Variants in BLTP3B observed in about 807,000 individuals in gnomAD.
BLTP3B encodes UHRF1 (ICBP90) binding protein 1-like.
the BLTP3B span, among the ~76,000 whole-genome samples, chr12:100,116,382 A>C: frequency 1.4e-5 from 2 of 141,222 alleles, no homozygotes; most frequent in African/African-American, 5.3e-5. Context: ...TGAGCCCAGG[A>C]GGTGGAGTTG....
chr12:100,138,943 C>T, the BLTP3B span, among the ~76,000 whole-genome samples: 241 of 152,256 alleles, frequency 1.6e-3, 3 homozygotes, highest in Non-Finnish European at 2.3e-3. Context: ...ACATTTGTTA[C>T]GACTTCTCTT....
the BLTP3B span, chr12:100,108,253 T>G: frequency 2.0e-6 from 2 of 987,660 alleles, no homozygotes; most frequent in Non-Finnish European, 2.9e-6. Context: ...TATCTTTCTT[T>G]TGAAATTATA....
chr12:100,097,486 A>C, the BLTP3B span: 2 of 1,611,354 alleles, frequency 1.2e-6, no homozygotes, highest in Non-Finnish European at 1.7e-6. Flanking sequence ...CTGCCAATTT[A>C]TTTCTTTAAA....
At chr12:100,124,560 T>C in the BLTP3B span, among the ~76,000 whole-genome samples, 1 of 151,332 alleles carries the variant, frequency 6.6e-6, no homozygotes, top group Non-Finnish European at 1.5e-5. Flanking sequence ...CTGACCAACA[T>C]TGTGAAACCC....
At chr12:100,127,945 T>C in the BLTP3B span, among the ~76,000 whole-genome samples, 1 of 151,962 alleles carries the variant, frequency 6.6e-6, no homozygotes, top group Non-Finnish European at 1.5e-5. Flanking sequence ...ACCAGGAGTT[T>C]GAGGTTATAA....
chr12:100,094,105 T>C, the BLTP3B span, among the ~76,000 whole-genome samples: 1 of 152,166 alleles, frequency 6.6e-6, no homozygotes, highest in Non-Finnish European at 1.5e-5. Flanking sequence ...CTACAATGAT[T>C]TGGGGATTTG....
the BLTP3B span, among the ~76,000 whole-genome samples, chr12:100,130,083 G>C: frequency 6.6e-6 from 1 of 152,118 alleles, no homozygotes; most frequent in Non-Finnish European, 1.5e-5. Context: ...TCAGCCTCCT[G>C]AGTATCTGGG....
chr12:100,042,980 A>G, the BLTP3B span, among the ~76,000 whole-genome samples: 2 of 152,040 alleles, frequency 1.3e-5, no homozygotes, highest in African/African-American at 2.4e-5. Flanking sequence ...TTGTATTTTT[A>G]ACAGACAAGG....
At chr12:100,103,960 G>T in the BLTP3B span, 1 of 1,596,026 alleles carries the variant, frequency 6.3e-7, no homozygotes, top group South Asian at 1.2e-5. Flanking sequence ...ATCTACAAAT[G>T]AAAAATTTTT....
the BLTP3B span, among the ~76,000 whole-genome samples, chr12:100,070,366 A>C: frequency 6.6e-6 from 1 of 151,568 alleles, no homozygotes; most frequent in East Asian, 1.9e-4. Context: ...AGCTCACCAC[A>C]ACCTCTGCCT....
chr12:100,060,133 T>C, the BLTP3B span: 1 of 1,064,692 alleles, frequency 9.4e-7, no homozygotes, highest in African/African-American at 1.7e-5. Context: ...GTCAGTTTTA[T>C]TCTTTCTTAA....
At chr12:100,140,513 C>T in the BLTP3B span, among the ~76,000 whole-genome samples, 11,686 of 151,034 alleles carry the variant, frequency 0.077, 564 homozygotes, top group African/African-American at 0.12. Flanking sequence ...TGAGACCAGC[C>T]TAACCACCAT....
chr12:100,092,158 G>C, the BLTP3B span, among the ~76,000 whole-genome samples: 22 of 152,112 alleles, frequency 1.4e-4, no homozygotes, highest in African/African-American at 2.4e-4. Context: ...TTTTAGAGAA[G>C]AATAAAATGA....
the BLTP3B span, chr12:100,142,748 T>C: frequency 1.4e-6 from 2 of 1,478,638 alleles, no homozygotes; most frequent in African/African-American, 2.9e-5. Flanking sequence ...CGCTGATCGC[T>C]CACGACCGGG....
chr12:100,124,502 T>C, the BLTP3B span, among the ~76,000 whole-genome samples: 1 of 151,406 alleles, frequency 6.6e-6, no homozygotes, highest in African/African-American at 2.4e-5. Context: ...CCCAGCACTC[T>C]GGGAGGCTGA....
chr12:100,093,178 C>T, the BLTP3B span, among the ~76,000 whole-genome samples: 3 of 152,200 alleles, frequency 2.0e-5, no homozygotes, highest in African/African-American at 4.8e-5. Context: ...GTTTGCCAAA[C>T]GTTTAAAATC....
the BLTP3B span, chr12:100,058,796 T>C: frequency 2.5e-6 from 4 of 1,613,980 alleles, no homozygotes; most frequent in Non-Finnish European, 3.4e-6. Flanking sequence ...GCAGGAAAAG[T>C]AGAAGCAGAT....
chr12:100,047,918 A>C, the BLTP3B span: 1 of 1,425,616 alleles, frequency 7.0e-7, no homozygotes, highest in African/African-American at 1.4e-5. Context: ...GGAACATGAA[A>C]ATATAAAATT....
chr12:100,051,898 T>C, the BLTP3B span: 1 of 152,032 alleles, frequency 6.6e-6, no homozygotes, highest in Non-Finnish European at 1.5e-5. Context: ...ATACAAAAAA[T>C]TAGCCAGACG....
Sources: gnomAD v4.1 joint callset for allele counts (sites outside exome capture counted in the v4.1 genomes callset) on GRCh38, gnomAD v4.1.1 for gene constraint, MANE v1.5 for transcripts, NCBI Gene and HGNC (gene_info 2026-07-23, HGNC 2026-07-21) for gene names.